Variants in CUX1 observed in about 807,000 individuals in gnomAD.
CUX1 encodes the protein protein CASP.
CUX1 carries 31 observed loss-of-function variants against 158.8 expected under a neutral mutation model. The ratio of observed to expected loss-of-function variants is 0.20; its 90% CI spans 0.15 to 0.26. The LOEUF is 0.26. Ranked by LOEUF, CUX1 falls within the 10% of genes least tolerant of loss-of-function variation. CUX1 has a pLI of 1.00. For synonymous variants in CUX1, 879 were observed against 862.1 expected (o/e 1.02, Z -0.34); for missense variants, 1,589 against 2,014.6 (o/e 0.79, Z 4.04).
At chr7:101,834,374 A>G (rs1393715592) in intron 1 of CUX1, among the ~76,000 whole-genome samples, 2 of 151,622 alleles carry the variant, frequency 1.3e-5, no homozygotes, top group Admixed American at 6.6e-5. Flanking sequence ...GGGTTTCGCC[A>G]TGTTGCCCAG....
At chr7:101,914,364 T>C (rs1372507525) in intron 1 of CUX1, among the ~76,000 whole-genome samples, 3 of 137,768 alleles carry the variant, frequency 2.2e-5, no homozygotes, top group East Asian at 5.3e-4. Context: ...CCTTCCTTCC[T>C]TCCTTCCCTC....
chr7:102,235,932 C>A (rs563991831), intron 22 of CUX1, among the ~76,000 whole-genome samples: 311 of 152,206 alleles, frequency 2.0e-3, no homozygotes, highest in Non-Finnish European at 3.5e-3. Flanking sequence ...GAGAGAGTGT[C>A]TGGTGCCTCC....
chr7:102,282,263 G>A (rs1554549525), intron 21 of CUX1, among the ~76,000 whole-genome samples: 2 of 152,204 alleles, frequency 1.3e-5, no homozygotes, highest in South Asian at 2.1e-4. Context: ...CACGAAGACT[G>A]CACAGAGAAG....
rs567217939 is a variant in CUX1, at chr7:102,193,953, C to T, written c.1125+63C>T. On this transcript the variant is annotated intron_variant, in intron 13 of 23. Coordinates refer to ENST00000292535, the MANE Select transcript of CUX1 (RefSeq NM_181552.4). ...CCCCGCTGCTGGTTACCACTGGTCC[C>T]TCCGGCATATCCCATGATCCACTGT... The T allele has an allele frequency of 1.3e-5, 20 of 1,494,076 alleles. No individual in the cohort carries two copies. The Admixed American group carries it at 3.2e-4, about 24-fold the overall frequency. 92.6% of individuals were successfully genotyped at this position (1,494,076 alleles called of 1,614,324 possible). A position where few individuals can be genotyped will look rare whatever the true frequency, so the allele number is the denominator to read the frequency against.
intron 1 of CUX1, among the ~76,000 whole-genome samples, chr7:101,894,932 G>A (rs1801305363): frequency 6.6e-6 from 1 of 152,096 alleles, no homozygotes; most frequent in African/African-American, 2.4e-5. Context: ...AGCTCCCTGA[G>A]TGCTGGGATG....
chr7:102,027,379 AAAG>A lies in CUX1; in HGVS notation c.142-714_142-712del, dbSNP rs1290868589. On this transcript the variant is annotated intron_variant, in intron 2 of 23. Transcript: ENST00000292535. ...CAGAGCGAGACTCCATCTCAAAAAA[AAAG>A]AAGAGGCAGCTAAAATACAGTGCAG... is the stretch of plus-strand genomic sequence containing the variant. 3.9e-5 allele frequency among the ~76,000 whole-genome samples: 6 copies of A among 152,098 alleles called. No individual in the cohort carries two copies. In the East Asian group the frequency reaches 7.7e-4, roughly 20 times the overall value.
At chr7:102,141,536 G>A (rs1834459824) in intron 8 of CUX1, among the ~76,000 whole-genome samples, 1 of 152,134 alleles carries the variant, frequency 6.6e-6, no homozygotes, top group Non-Finnish European at 1.5e-5. Flanking sequence ...TGGGGATGGG[G>A]AAGGAGAGGA....
intron 1 of CUX1, among the ~76,000 whole-genome samples, chr7:101,902,677 C>G (rs1802282836): frequency 6.6e-6 from 1 of 152,214 alleles, no homozygotes. Flanking sequence ...TGGGACCTGT[C>G]TGTTGTCTTT....
intron 1 of CUX1, among the ~76,000 whole-genome samples, chr7:101,836,567 C>T (rs781716852): frequency 3.3e-5 from 5 of 151,300 alleles, no homozygotes; most frequent in Non-Finnish European, 7.4e-5. Context: ...CTTGGCCAGG[C>T]GCAGTGGCTC....
intron 2 of CUX1, among the ~76,000 whole-genome samples, chr7:101,917,291 G>A (rs1336952877): frequency 6.6e-6 from 1 of 152,202 alleles, no homozygotes; most frequent in African/African-American, 2.4e-5. Flanking sequence ...GCTAGTCAAG[G>A]GACTGCTGGC....
Position 102,043,857 on chromosome 7 carries a change from A to T in CUX1, c.189+15712A>T, listed in dbSNP as rs370033312. Among the ~76,000 whole-genome samples the T allele has an allele frequency of 1.1e-4, 17 of 151,996 alleles. No homozygotes were observed. The South Asian group carries it at 3.3e-3, about 30-fold the overall frequency. On this transcript the variant is annotated intron_variant, in intron 3 of 23. Transcript: ENST00000292535. ...GCCCATTTCTCCATGTCTCACTAGC[A>T]CTCGTGTGTCTTTTTGGTAATAGCC...
At chr7:102,011,764 C>T (rs1818057259) in intron 2 of CUX1, among the ~76,000 whole-genome samples, 1 of 152,192 alleles carries the variant, frequency 6.6e-6, no homozygotes, top group South Asian at 2.1e-4. Context: ...CACGGAGGTA[C>T]ACCCCTCTCA....
chr7:102,002,907 T>G (rs1043888392), intron 2 of CUX1, among the ~76,000 whole-genome samples: 1 of 152,050 alleles, frequency 6.6e-6, no homozygotes, highest in African/African-American at 2.4e-5. Flanking sequence ...TTATTTTTAT[T>G]TATTTATTTT....
At chr7:102,264,185 T>C (rs1554544620) in intron 14 of CUX1, among the ~76,000 whole-genome samples, 1 of 151,108 alleles carries the variant, frequency 6.6e-6, no homozygotes, top group Non-Finnish European at 1.5e-5. Context: ...TTTGTATTTT[T>C]AGTAGAGACG....
chr7:102,171,572 C>T (rs973546962), intron 10 of CUX1, among the ~76,000 whole-genome samples: 10 of 151,734 alleles, frequency 6.6e-5, no homozygotes, highest in Non-Finnish European at 1.2e-4. Context: ...CTCAACCTCC[C>T]GAGTAGCTGG....
chr7:101,837,062 A>G (rs1242495020), intron 1 of CUX1, among the ~76,000 whole-genome samples: 4 of 152,222 alleles, frequency 2.6e-5, no homozygotes, highest in Non-Finnish European at 4.4e-5. Flanking sequence ...ACAAGCCACT[A>G]TAATGAAAAT....
At chr7:101,944,753 T>C (rs1313281188) in intron 2 of CUX1, among the ~76,000 whole-genome samples, 1 of 152,188 alleles carries the variant, frequency 6.6e-6, no homozygotes, top group Non-Finnish European at 1.5e-5. Flanking sequence ...GGTTGGTGCT[T>C]TTCCTCCTGG....
Position 102,030,689 on chromosome 7 carries a change from G to GTGTTTTTTTTTTTTTTTTTTGTTTTT in CUX1, c.189+2558_189+2559insTTTTTTGTTTTTTGTTTTTTTTTTTT, listed in dbSNP as rs1554459461. Among the ~76,000 whole-genome samples, 190 of 82,500 alleles carry GTGTTTTTTTTTTTTTTTTTTGTTTTT rather than the reference G, an allele frequency of 2.3e-3. 5 individuals carry two copies. Among genetic ancestry groups the GTGTTTTTTTTTTTTTTTTTTGTTTTT allele is most frequent in the Admixed American group, 2.5e-3 (16 of 6,474 alleles). 54.1% of individuals were successfully genotyped at this position (82,500 alleles called of 152,430 possible). A position where few individuals can be genotyped will look rare whatever the true frequency, so the allele number is the denominator to read the frequency against. On this transcript the variant is annotated intron_variant, in intron 3 of 23. Transcript: ENST00000292535. The stretch of plus-strand genomic sequence containing the variant: ...TCTATCTAATTTTCTATTTTAAAAA[G>GTGTTTTTTTTTTTTTTTTTTGTTTTT]TGTTTTTTTTTTTTGAGACAGGGTC...
intron 3 of CUX1, among the ~76,000 whole-genome samples, chr7:102,030,703 T>TTTTTTTTTTTTTA (rs1820685621): frequency 2.0e-5 from 3 of 148,828 alleles, no homozygotes; most frequent in South Asian, 2.1e-4. Flanking sequence ...TTTTTTTTTT[T>TTTTTTTTTTTTTA]GAGACAGGGT....
Sources: allele counts gnomAD v4.1 joint callset (sites outside exome capture counted in the v4.1 genomes callset), GRCh38; gene constraint gnomAD v4.1.1; transcripts MANE v1.5; gene names NCBI Gene and HGNC (gene_info 2026-07-23, HGNC 2026-07-21).